Variants in USH2A observed in about 807,000 individuals in gnomAD.
The protein encoded by USH2A is Usher syndrome 2A (autosomal recessive, mild).
USH2A carries 443 observed loss-of-function variants against 538.9 expected under a neutral mutation model. The ratio of observed to expected loss-of-function variants is 0.82; its 90% CI spans 0.76 to 0.89. The LOEUF (loss-of-function observed/expected upper bound fraction) is 0.89. Among genes scored for constraint, USH2A ranks in the 40% least tolerant of loss-of-function variants. The pLI is 0.00. For missense variants in USH2A, 6,633 were observed against 6,324.8 expected, an observed-to-expected ratio of 1.05 and a Z score of -1.65; for synonymous variants, 2,413 against 2,273.5, an observed-to-expected ratio of 1.06 and a Z score of -1.75.
At chr1:216,012,949 T>C (rs1035397071) in intron 32 of USH2A, among the ~76,000 whole-genome samples, 1 of 152,112 alleles carries the variant, frequency 6.6e-6, no homozygotes, top group African/African-American at 2.4e-5. Context: ...CAACTACTCA[T>C]ACATGTCCTG....
In USH2A at chr1:215,675,336, C is replaced by T. The variant is rs199605265; in HGVS notation, c.12575G>A (p.Arg4192His). 502 of 1,614,098 alleles carry T rather than the reference C, an allele frequency of 3.1e-4. 1 individual carries two copies. The highest frequency in any genetic ancestry group is 9.7e-4 in the Admixed American group (58 of 60,016). ...CCAAGCTTTTCCCTCGAAGCATCTG[C>T]GAATCACTTCATAGCGAATTATTTT... is the stretch of plus-strand genomic sequence containing the variant. ...NGKIIRYEVI[R>H]RCFEGKAWGN... The change falls in exon 63 of 72, where the codon CGC becomes CAC. Residue 4192 changes from arginine to histidine, a missense_variant. Transcript: ENST00000307340.
At chr1:215,698,972 C>A (rs764219548) in intron 61 of USH2A, among the ~76,000 whole-genome samples, 1 of 152,144 alleles carries the variant, frequency 6.6e-6, no homozygotes, top group Non-Finnish European at 1.5e-5. Flanking sequence ...ATGTTTAAAT[C>A]TTTAATCCAT....
chr1:216,384,985 T>C (rs1231757166), intron 3 of USH2A, among the ~76,000 whole-genome samples: 2 of 152,152 alleles, frequency 1.3e-5, no homozygotes, highest in Non-Finnish European at 2.9e-5. Flanking sequence ...CTGATAATGA[T>C]GCAGAGAAAC....
intron 14 of USH2A, among the ~76,000 whole-genome samples, chr1:216,228,768 A>G (rs901732076): frequency 3.9e-5 from 6 of 152,166 alleles, no homozygotes; most frequent in Non-Finnish European, 5.9e-5. Context: ...AAGTGCGACC[A>G]TTTCCAAGGA....
At position 215,693,076 on chromosome 1, in the gene USH2A, G is replaced by GTA. The variant is rs1165794767; in HGVS notation, c.12067-12702_12067-12701dup. 7.1e-4 allele frequency among the ~76,000 whole-genome samples: 93 copies of GTA among 131,640 alleles called. 1 individual carries two copies. Among genetic ancestry groups the GTA allele is most frequent in the African/African-American group, 2.3e-3 (86 of 37,058 alleles). The allele number at this position is 131,640 out of a possible 152,430, so 86.4% of individuals were successfully genotyped here. ...CCATGCCCAGCTAATTTTTGTGTGT[G>GTA]TATATATATATATATATGTGTGTGT... On this transcript the variant is annotated intron_variant, in intron 61 of 71. Coordinates refer to ENST00000307340, the MANE Select transcript of USH2A (RefSeq NM_206933.4).
chr1:215,697,515 T>A (rs928621194), intron 61 of USH2A, among the ~76,000 whole-genome samples: 23 of 118,508 alleles, frequency 1.9e-4, no homozygotes, highest in Non-Finnish European at 4.1e-4. Flanking sequence ...TTTTAAAAAA[T>A]TTTTTATTTA....
intron 9 of USH2A, among the ~76,000 whole-genome samples, chr1:216,320,415 G>A (rs2037583170): frequency 6.6e-6 from 1 of 152,144 alleles, no homozygotes; most frequent in Non-Finnish European, 1.5e-5. Context: ...GTACAGCAAT[G>A]CAAACAGACT....
intron 37 of USH2A, among the ~76,000 whole-genome samples, chr1:215,937,203 G>T (rs1179785628): frequency 6.6e-6 from 1 of 152,052 alleles, no homozygotes; most frequent in African/African-American, 2.4e-5. Flanking sequence ...AGTAAAGGCA[G>T]ATAAAGACAT....
At chr1:215,683,085 C>T (rs887654661) in intron 61 of USH2A, among the ~76,000 whole-genome samples, 2 of 151,900 alleles carry the variant, frequency 1.3e-5, no homozygotes, top group Non-Finnish European at 2.9e-5. Context: ...TTGGGTATCA[C>T]TATGTTGCCC....
chr1:215,722,731 G>A (rs990658903), intron 61 of USH2A, among the ~76,000 whole-genome samples: 1 of 152,132 alleles, frequency 6.6e-6, no homozygotes, highest in Non-Finnish European at 1.5e-5. Context: ...AGCACCTTAT[G>A]CTTGATTCTA....
rs115472167 is a variant in USH2A at position 216,020,780 on chromosome 1, A to G, written c.6326-20218T>C. 2.6e-5 allele frequency among the ~76,000 whole-genome samples: 4 copies of G among 152,146 alleles called. No homozygotes were observed. In the East Asian group the frequency reaches 7.7e-4, roughly 29 times the overall value. The stretch of plus-strand genomic sequence containing the variant: ...TGATTTGATCAATCATGCCTATGTC[A>G]TGAAACCTCCTAAAAGCCCCTAAAC... On this transcript the variant is annotated intron_variant, in intron 32 of 71. Coordinates refer to ENST00000307340, the MANE Select transcript of USH2A (RefSeq NM_206933.4).
intron 30 of USH2A, among the ~76,000 whole-genome samples, chr1:216,061,633 G>A (rs2031186141): frequency 1.3e-5 from 2 of 152,178 alleles, no homozygotes; most frequent in East Asian, 1.9e-4. Context: ...CATTTTGCAT[G>A]TGGGGCACAC....
chr1:215,944,434 T>G (rs1666710264), intron 37 of USH2A, among the ~76,000 whole-genome samples: 1 of 152,086 alleles, frequency 6.6e-6, no homozygotes. Context: ...GAGTAAATAT[T>G]TTTTTTAAAG....
chr1:216,175,081 G>T, intron 21 of USH2A, 171 bp downstream of exon 21: 1 of 1,442,846 alleles, frequency 6.9e-7, no homozygotes, highest in Non-Finnish European at 9.1e-7. Context: ...TTTTTCCCCA[G>T]AATTCTAAAA....
intron 44 of USH2A, among the ~76,000 whole-genome samples, chr1:215,863,991 T>C (rs1030005251): frequency 3.9e-5 from 6 of 152,146 alleles, no homozygotes; most frequent in African/African-American, 1.2e-4. Context: ...TACAAAGCAT[T>C]GCCCTCTCAC....
intron 44 of USH2A, among the ~76,000 whole-genome samples, chr1:215,847,067 A>C (rs1663869704): frequency 6.6e-6 from 1 of 152,164 alleles, no homozygotes; most frequent in East Asian, 1.9e-4. Context: ...TAACTCATCA[A>C]TTCTTCAACC....
At chr1:216,258,498 T>A (rs892663916) in intron 11 of USH2A, among the ~76,000 whole-genome samples, 1 of 151,966 alleles carries the variant, frequency 6.6e-6, no homozygotes, top group African/African-American at 2.4e-5. Context: ...TCTGTGAAAT[T>A]ATCTCTGTGT....
rs1407219490 is a variant in USH2A, at chr1:216,324,265, C to A, written c.1231G>T (p.Asp411Tyr). 2 of 1,613,164 alleles carry A rather than the reference C, an allele frequency of 1.2e-6. No individual in the cohort carries two copies. The highest frequency in any genetic ancestry group is 2.7e-5 in the African/African-American group (2 of 74,880). ...RKKENSLDWE[D>Y]WQYFARNCGA... is the part of the protein sequence containing the mutation. ...CAATTCCTGGCAAAATATTGCCAGT[C>A]CTCCCAATCTAAACTATTTTCCTTC... The change falls in exon 7 of 72, where the codon GAC becomes TAC. Residue 411 changes from aspartate (D) to tyrosine (Y), a missense_variant. Physicochemically the swap from Asp to Tyr is radical, Grantham distance 160. Coordinates refer to ENST00000307340, the MANE Select transcript of USH2A (RefSeq NM_206933.4).
chr1:216,115,813 T>C (rs971071992), intron 21 of USH2A, among the ~76,000 whole-genome samples: 11 of 151,852 alleles, frequency 7.2e-5, no homozygotes, highest in African/African-American at 2.7e-4. Context: ...AAAATATAAA[T>C]TGAATGCCAT....
Sources: allele counts gnomAD v4.1 joint callset (sites outside exome capture counted in the v4.1 genomes callset), GRCh38; gene constraint gnomAD v4.1.1; transcripts MANE v1.5; gene names NCBI Gene and HGNC (gene_info 2026-07-23, HGNC 2026-07-21).